The following HIGD1C variants were observed in gnomAD, a reference collection of about 807,000 sequenced individuals.
HIGD1C encodes the protein HIG1 hypoxia inducible domain family member 1C.
A neutral mutation model predicts 13.1 loss-of-function variants in HIGD1C; 11 were observed. The ratio of observed to expected loss-of-function variants is 0.84; its 90% CI spans 0.53 to 1.39. The LOEUF (loss-of-function observed/expected upper bound fraction) is 1.39, where lower values mean the gene tolerates loss of function less well. Among genes scored for constraint, HIGD1C ranks in the 40% most tolerant of loss-of-function variants. The pLI is 0.00. For synonymous variants in HIGD1C, 36 were observed against 37.7 expected, an observed-to-expected ratio of 0.95 and a Z score of 0.17; for missense variants, 110 against 112.0, an observed-to-expected ratio of 0.98 and a Z score of 0.08.
upstream of HIGD1C, among the ~76,000 whole-genome samples, chr12:50,952,781 G>GC (rs1938944833): frequency 6.6e-6 from 1 of 152,218 alleles, no homozygotes; most frequent in Non-Finnish European, 1.5e-5. Context: ...ACCTCCTCTG[G>GC]CTAGGGCGTG....
chr12:50,946,784 A>G, the HIGD1C span, among the ~76,000 whole-genome samples: 1 of 152,244 alleles, frequency 6.6e-6, no homozygotes, highest in East Asian at 1.9e-4. Context: ...AGGGAGGGAT[A>G]GCATTAGGAG....
intron 2 of HIGD1C, among the ~76,000 whole-genome samples, chr12:50,967,915 C>G (rs1939601099): frequency 6.6e-6 from 1 of 152,102 alleles, no homozygotes; most frequent in Non-Finnish European, 1.5e-5. Context: ...GGCGAATACC[C>G]TATCTCTACA....
rs202101626 is a variant in HIGD1C, at chr12:50,954,053, C to G, written c.55C>G (p.Leu19Val). The change falls in exon 1 of 3, where the codon CTA (leucine) becomes GTA (valine). Residue 19 changes from leucine (L) to valine (V), a missense_variant. Transcript: ENST00000398455. ...TGAGGATGAAGGCCAATTATCCCGA[C>G]TAATCAGGAAATCTAGAGACTCCCC... 70 of 1,613,152 alleles carry G rather than the reference C, an allele frequency of 4.3e-5. No homozygotes were observed. Among genetic ancestry groups the G allele is most frequent in the Non-Finnish European group, 5.9e-5 (69 of 1,179,276 alleles).
chr12:50,951,922 C>CAAA (rs202149759), upstream of HIGD1C, among the ~76,000 whole-genome samples: 142 of 87,276 alleles, frequency 1.6e-3, 1 homozygote, highest in East Asian at 0.012. Flanking sequence ...AACTCCATCT[C>CAAA]AAAAAAAAAA....
At chr12:50,970,611 A>C (rs1421253614), downstream of HIGD1C, 1 of 697,458 alleles carries the variant, frequency 1.4e-6, no homozygotes, top group African/African-American at 1.8e-5. Context: ...AGTGTCACAG[A>C]ATGCTCATAG....
At chr12:50,967,644 C>A (rs999789362) in intron 2 of HIGD1C, among the ~76,000 whole-genome samples, 4 of 152,142 alleles carry the variant, frequency 2.6e-5, no homozygotes, top group Non-Finnish European at 5.9e-5. Flanking sequence ...CTCCTTATAA[C>A]TGAAAACATG....
At chr12:50,958,837 C>A (rs991105633) in intron 1 of HIGD1C, among the ~76,000 whole-genome samples, 2 of 151,188 alleles carry the variant, frequency 1.3e-5, no homozygotes, top group African/African-American at 2.4e-5. Flanking sequence ...GCCAACATAG[C>A]GAGACATCAT....
chr12:50,956,382 A>C (rs1939096805), intron 1 of HIGD1C, among the ~76,000 whole-genome samples: 1 of 152,108 alleles, frequency 6.6e-6, no homozygotes, highest in Admixed American at 6.6e-5. Context: ...ACAGAGCGAG[A>C]CTCCATCTTA....
At chr12:50,965,568 G>A (rs1939509628) in intron 2 of HIGD1C, among the ~76,000 whole-genome samples, 1 of 152,176 alleles carries the variant, frequency 6.6e-6, no homozygotes, top group African/African-American at 2.4e-5. Flanking sequence ...ATAACAGAGA[G>A]TGGGTTCAGT....
chr12:50,939,911 GAT>G, the HIGD1C span: 1 of 123,742 alleles, frequency 8.1e-6, no homozygotes, highest in Non-Finnish European at 1.6e-5. Flanking sequence ...CAATCATCTG[GAT>G]TTTTTTTTTT....
the HIGD1C span, among the ~76,000 whole-genome samples, chr12:50,945,969 A>G: frequency 3.8e-3 from 585 of 152,310 alleles, 7 homozygotes; most frequent in African/African-American, 0.013. Flanking sequence ...TGACAAAAAC[A>G]AGAAATGGGG....
chr12:50,932,757 C>T, the HIGD1C span, among the ~76,000 whole-genome samples: 2 of 152,182 alleles, frequency 1.3e-5, no homozygotes, highest in African/African-American at 2.4e-5. Flanking sequence ...TCAAGTCTAA[C>T]GATCCCATTT....
downstream of HIGD1C, among the ~76,000 whole-genome samples, chr12:50,972,027 G>T (rs181458410): frequency 6.6e-6 from 1 of 152,284 alleles, no homozygotes. Flanking sequence ...TGGAAAATAG[G>T]CAAGGAAAGA....
chr12:50,935,178 A>C, the HIGD1C span: 1 of 152,208 alleles, frequency 6.6e-6, no homozygotes, highest in Non-Finnish European at 1.5e-5. Context: ...AATCATAGCA[A>C]ACCAGTACCA....
the HIGD1C span, among the ~76,000 whole-genome samples, chr12:50,940,564 G>T: frequency 4.6e-5 from 7 of 151,728 alleles, no homozygotes; most frequent in African/African-American, 1.5e-4. Flanking sequence ...ACAAAAAATT[G>T]TTTTCAAAAA....
At chr12:50,961,228 T>C (rs1939316707) in intron 2 of HIGD1C, 126 bp downstream of exon 4, 2 of 983,904 alleles carry the variant, frequency 2.0e-6, no homozygotes, top group Non-Finnish European at 3.0e-6. Context: ...TAGGAAAGAC[T>C]GATCTTCCCT....
the HIGD1C span, among the ~76,000 whole-genome samples, chr12:50,945,943 T>C: frequency 2.0e-5 from 3 of 152,104 alleles, no homozygotes; most frequent in African/African-American, 7.2e-5. Flanking sequence ...TACAACCATC[T>C]GATCTTTGAC....
At chr12:50,970,482 A>G in exon 3 of HIGD1C, 2 of 1,535,300 alleles carry the variant, frequency 1.3e-6, no homozygotes, top group South Asian at 1.2e-5. Context: ...TTAGACCACG[A>G]TTCTTCAGTG....
At chr12:50,967,621 G>T (rs184282867) in intron 2 of HIGD1C, among the ~76,000 whole-genome samples, 172 of 152,256 alleles carry the variant, frequency 1.1e-3, no homozygotes, top group African/African-American at 3.9e-3. Context: ...AAATGCCATG[G>T]ACTGTTAGCA....
Sources: allele counts gnomAD v4.1 joint callset (sites outside exome capture counted in the v4.1 genomes callset), GRCh38; gene constraint gnomAD v4.1.1; transcripts MANE v1.5; gene names NCBI Gene and HGNC (gene_info 2026-07-23, HGNC 2026-07-21).